PSMA3: variants seen among roughly 807,000 people sequenced by gnomAD.
PSMA3 encodes proteasome subunit alpha type-3.
A neutral mutation model predicts 40.0 loss-of-function variants in PSMA3; 8 were observed. The observed-to-expected ratio is 0.20, with a 90% CI of 0.12 to 0.36. PSMA3 has a LOEUF of 0.36. Ranked by LOEUF, PSMA3 falls within the 10% of genes least tolerant of loss-of-function variation. PSMA3 has a pLI of 1.00. For missense variants in PSMA3, 219 were observed against 310.6 expected (o/e 0.70, Z 2.22); for synonymous variants, 110 against 100.0 (o/e 1.10, Z -0.59).
intron 1 of PSMA3, among the ~76,000 whole-genome samples, chr14:58,246,996 CT>C (rs1889897152): frequency 1.3e-5 from 2 of 152,214 alleles, no homozygotes; most frequent in Non-Finnish European, 2.9e-5. Context: ...ACAGTTTACT[CT>C]TCTTTCTGCT....
chr14:58,262,985 C>CTT (rs5808966), intron 6 of PSMA3, among the ~76,000 whole-genome samples: 7 of 131,696 alleles, frequency 5.3e-5, no homozygotes, highest in Non-Finnish European at 4.8e-5. Flanking sequence ...TGTGTACATC[C>CTT]TTTTTTTTTT....
At chr14:58,270,151 A>C (rs557374133) in intron 8 of PSMA3, 1 of 327,686 alleles carries the variant, frequency 3.1e-6, no homozygotes, top group African/African-American at 2.2e-5. Context: ...CAGCCAAGTT[A>C]TATCTCTAAA....
At chr14:58,262,589 G>C (rs1321569630) in intron 6 of PSMA3, among the ~76,000 whole-genome samples, 6 of 148,828 alleles carry the variant, frequency 4.0e-5, no homozygotes, top group South Asian at 2.1e-4. Flanking sequence ...TTGAGACAGA[G>C]TCTTGCTCAG....
In PSMA3 at chr14:58,251,431, G is replaced by A. The variant is rs903256302; in HGVS notation, c.105-688G>A. ...CTCCCAGGTAGCTGGGACTACAGGC[G>A]TGTACCACCATGCCTGGCTAAGCCA... is the stretch of plus-strand genomic sequence containing the variant. On this transcript the variant is annotated intron_variant, in intron 2 of 10. Coordinates refer to ENST00000216455, the MANE Select transcript of PSMA3 (RefSeq NM_002788.4). Among the ~76,000 whole-genome samples the A allele has an allele frequency of 3.3e-5, 5 of 152,240 alleles. 1 individual carries two copies. The highest frequency in any genetic ancestry group is 4.2e-4 in the South Asian group (2 of 4,818).
intron 2 of PSMA3, among the ~76,000 whole-genome samples, chr14:58,250,579 G>A (rs1450918320): frequency 6.6e-6 from 1 of 152,136 alleles, no homozygotes; most frequent in Admixed American, 6.6e-5. Flanking sequence ...ACTTGCAAGG[G>A]GAGCCATGGA....
chr14:58,245,377 CA>C (rs1889856990), intron 1 of PSMA3: 1 of 190,590 alleles, frequency 5.2e-6, no homozygotes, highest in Non-Finnish European at 1.1e-5. Flanking sequence ...TGCTGATTCA[CA>C]GGCCTTCTCT....
intron 3 of PSMA3, among the ~76,000 whole-genome samples, chr14:58,254,258 C>A (rs1346589219): frequency 2.9e-5 from 4 of 139,738 alleles, no homozygotes; most frequent in Admixed American, 7.5e-5. Context: ...TACATTGTAA[C>A]CTAGCTAGTA....
At chr14:58,270,637 T>C in intron 9 of PSMA3, 152 bp downstream of exon 9, 1 of 1,375,770 alleles carries the variant, frequency 7.3e-7, no homozygotes, top group Non-Finnish European at 9.8e-7. Context: ...TGACTTAAGT[T>C]GTGAACACGT....
chr14:58,267,433 A>G, intron 7 of PSMA3, 41 bp from the exon 8 acceptor site: 1 of 1,452,636 alleles, frequency 6.9e-7, no homozygotes, highest in Non-Finnish European at 9.1e-7. Context: ...ACAAGTGGAA[A>G]ATGTTCTTCT....
chr14:58,271,441 T>G (rs1270886646), intron 10 of PSMA3, among the ~76,000 whole-genome samples: 1 of 148,730 alleles, frequency 6.7e-6, no homozygotes. Context: ...GCGATCCTCC[T>G]GCCTCCGCCT....
intron 3 of PSMA3, among the ~76,000 whole-genome samples, 181 bp from the exon 4 acceptor site, chr14:58,257,564 T>G (rs1238232084): frequency 6.6e-6 from 1 of 152,066 alleles, no homozygotes; most frequent in African/African-American, 2.4e-5. Flanking sequence ...ACTTACTAAA[T>G]TTCTAAATTA....
At chr14:58,258,061 C>A in intron 5 of PSMA3, 63 bp downstream of exon 5, 2 of 1,307,446 alleles carry the variant, frequency 1.5e-6, no homozygotes, top group Non-Finnish European at 2.2e-6. Context: ...TTATGTTCCC[C>A]AGCATCTTAG....
At chr14:58,248,428 C>G (rs1889926051) in intron 2 of PSMA3, among the ~76,000 whole-genome samples, 1 of 151,842 alleles carries the variant, frequency 6.6e-6, no homozygotes, top group Non-Finnish European at 1.5e-5. Flanking sequence ...CGGGGTTTTG[C>G]CACGTTGGCC....
chr14:58,258,094 A>C (rs1890188194), intron 5 of PSMA3, 96 bp downstream of exon 5: 3 of 920,138 alleles, frequency 3.3e-6, no homozygotes, highest in Non-Finnish European at 4.9e-6. Context: ...TTAAAAATAG[A>C]AACTCGTCGA....
intron 2 of PSMA3, among the ~76,000 whole-genome samples, chr14:58,248,642 A>T (rs963677488): frequency 4.6e-5 from 7 of 151,920 alleles, no homozygotes; most frequent in African/African-American, 1.7e-4. Context: ...TTAAAAACGA[A>T]TGTGTTTTTT....
At chr14:58,261,055 A>C (rs764796341) in intron 6 of PSMA3, 35 bp downstream of exon 6, 1 of 1,414,166 alleles carries the variant, frequency 7.1e-7, no homozygotes, top group Non-Finnish European at 1.0e-6. Context: ...ATTCTATTTT[A>C]GTTTAATGGT....
chr14:58,245,754 C>T (rs952803457), intron 1 of PSMA3, among the ~76,000 whole-genome samples: 2 of 152,188 alleles, frequency 1.3e-5, no homozygotes, highest in South Asian at 2.1e-4. Context: ...GTTATTTGCA[C>T]TAGAGTTATT....
At chr14:58,247,575 A>G (rs1889908438) in intron 1 of PSMA3, among the ~76,000 whole-genome samples, 175 bp from the exon 2 acceptor site, 2 of 152,214 alleles carry the variant, frequency 1.3e-5, no homozygotes, top group Non-Finnish European at 2.9e-5. Context: ...TCGAAGGTAT[A>G]TAGCTTTATC....
In PSMA3 at chr14:58,261,029, T is replaced by C. The variant is rs368528578; in HGVS notation, c.477+9T>C. On this transcript the variant is annotated intron_variant, in intron 6 of 10. Transcript: ENST00000216455. Reference sequence around the variant, plus strand: ...CATCAGGTGTTTCATACGTGAGTAATTTTGAATCATTTGAAATTCTATTTT... The same window carrying C: ...CATCAGGTGTTTCATACGTGAGTAACTTTGAATCATTTGAAATTCTATTTT... 1.7e-5 allele frequency: 26 copies of C among 1,570,224 alleles called. No individual in the cohort carries two copies. The highest frequency in any genetic ancestry group is 2.1e-5 in the Non-Finnish European group (24 of 1,141,634).
Sources: allele counts gnomAD v4.1 joint callset (sites outside exome capture counted in the v4.1 genomes callset), GRCh38; gene constraint gnomAD v4.1.1; transcripts MANE v1.5; gene names NCBI Gene and HGNC (gene_info 2026-07-23, HGNC 2026-07-21).